SHANK2: variants seen among roughly 807,000 people sequenced by gnomAD.
SHANK2 encodes SH3 and multiple ankyrin repeat domains protein 2.
SHANK2 carries 43 observed loss-of-function variants against 133.7 expected under a neutral mutation model. That is an observed-to-expected ratio of 0.32 (90% CI 0.25 to 0.41). The LOEUF is 0.41. SHANK2 is among the 10% of genes least tolerant of loss of function. SHANK2 has a pLI of 1.00. For synonymous variants in SHANK2, 1,017 were observed against 952.8 expected, an observed-to-expected ratio of 1.07 and a Z score of -1.24; for missense variants, 1,994 against 2,235.8, an observed-to-expected ratio of 0.89 and a Z score of 2.18.
At chr11:70,914,621 C>T (rs551445719) in intron 10 of SHANK2, among the ~76,000 whole-genome samples, 42 of 141,434 alleles carry the variant, frequency 3.0e-4, no homozygotes, top group Admixed American at 2.2e-3. Flanking sequence ...AGTGTAAGAC[C>T]GGCCTGGGCA....
chr11:71,153,253 G>A (rs1377543456), intron 2 of SHANK2, among the ~76,000 whole-genome samples: 15 of 148,960 alleles, frequency 1.0e-4, no homozygotes, highest in Admixed American at 6.7e-5. Context: ...TCACCACCCC[G>A]GGGCAACCGT....
chr11:70,682,403 G>A (rs1945048392), intron 15 of SHANK2, among the ~76,000 whole-genome samples: 1 of 152,204 alleles, frequency 6.6e-6, no homozygotes, highest in Admixed American at 6.5e-5. Flanking sequence ...ATGTTGCAAA[G>A]GCTGGCGGGA....
intron 17 of SHANK2, among the ~76,000 whole-genome samples, chr11:70,591,744 C>T (rs1304515640): frequency 1.3e-5 from 2 of 152,058 alleles, no homozygotes; most frequent in African/African-American, 4.8e-5. Context: ...GGGCCGGGCG[C>T]GGTGGCTCAC....
chr11:70,835,918 G>A (rs1206333738), intron 11 of SHANK2, among the ~76,000 whole-genome samples: 1 of 152,160 alleles, frequency 6.6e-6, no homozygotes, highest in African/African-American at 2.4e-5. Flanking sequence ...TCGGACCTCA[G>A]TGGAGGCTGG....
rs1402157892 is a variant in SHANK2, at chr11:70,599,915, GAA to G, written c.2061+59911_2061+59912del. Among the ~76,000 whole-genome samples the G allele has an allele frequency of 3.3e-3, 134 of 41,212 alleles. 4 individuals carry two copies. In the East Asian group the frequency reaches 0.048, roughly 15 times the overall value. The allele number at this position is 41,212 out of a possible 152,430, so 27.0% of individuals were successfully genotyped here. Reference sequence around the variant, plus strand: ...AAAGAAAGAAAGAAAGAGAAAGAAAGAAAGAAAGAAAGAAAGAAAGAAAGAAA... The same window carrying G: ...AAAGAAAGAAAGAAAGAGAAAGAAAGAGAAAGAAAGAAAGAAAGAAAGAAA... On this transcript the variant is annotated intron_variant, in intron 17 of 25. Coordinates refer to ENST00000601538, the MANE Select transcript of SHANK2 (RefSeq NM_012309.5).
intron 14 of SHANK2, among the ~76,000 whole-genome samples, chr11:70,740,917 G>T (rs1049106576): frequency 6.6e-6 from 1 of 152,172 alleles, no homozygotes; most frequent in Admixed American, 6.5e-5. Context: ...GCCAGGTGGT[G>T]CCCATGTGTG....
intron 12 of SHANK2, among the ~76,000 whole-genome samples, chr11:70,812,094 A>C (rs545898178): frequency 2.6e-5 from 4 of 152,266 alleles, no homozygotes; most frequent in Non-Finnish European, 5.9e-5. Flanking sequence ...CTGCAAAGTC[A>C]GTAACAAAGT....
intron 15 of SHANK2, among the ~76,000 whole-genome samples, chr11:70,680,284 G>A (rs918933470): frequency 3.3e-5 from 5 of 152,276 alleles, no homozygotes; most frequent in Admixed American, 6.5e-5. Context: ...CTGTAACAAC[G>A]TAACACAAAC....
chr11:70,904,165 G>A (rs1590815859), intron 10 of SHANK2, among the ~76,000 whole-genome samples: 2 of 152,182 alleles, frequency 1.3e-5, no homozygotes, highest in South Asian at 4.1e-4. Context: ...CACTCAAGTA[G>A]TAAGTGGTGA....
chr11:70,718,229 T>TA (rs1555027964), intron 14 of SHANK2, among the ~76,000 whole-genome samples: 1 of 152,222 alleles, frequency 6.6e-6, no homozygotes, highest in East Asian at 1.9e-4. Flanking sequence ...TCGTCCCCAG[T>TA]AATTGCTTTC....
intron 11 of SHANK2, among the ~76,000 whole-genome samples, chr11:70,836,018 C>T (rs1203765627): frequency 6.6e-6 from 1 of 152,212 alleles, no homozygotes; most frequent in Non-Finnish European, 1.5e-5. Context: ...CCCACCACCT[C>T]CTCTCCCATA....
At chr11:71,205,376 C>CA (rs1555117839) in intron 2 of SHANK2, among the ~76,000 whole-genome samples, 1 of 152,222 alleles carries the variant, frequency 6.6e-6, no homozygotes, top group Non-Finnish European at 1.5e-5. Context: ...GTGGCAAATC[C>CA]AGCAGTGTCC....
At chr11:71,123,373 C>T (rs1431042156) in intron 3 of SHANK2, among the ~76,000 whole-genome samples, 2 of 152,172 alleles carry the variant, frequency 1.3e-5, no homozygotes, top group Non-Finnish European at 2.9e-5. Flanking sequence ...CATGCTAACA[C>T]GAGCTCCCTT....
Position 70,896,557 on chromosome 11 carries a change from A to G in SHANK2, c.1118T>C (p.Ile373Thr). 1 of 719,012 alleles carries G rather than the reference A, an allele frequency of 1.4e-6. No individual in the cohort carries two copies. Among genetic ancestry groups the G allele is most frequent in the Middle Eastern group, 2.3e-4 (1 of 4,376 alleles). 44.5% of individuals were successfully genotyped at this position (719,012 alleles called of 1,614,324 possible). A position where few individuals can be genotyped will look rare whatever the true frequency, so the allele number is the denominator to read the frequency against. ...NSQTPFQVAI[I>T]AGNFELAEYI... ...TTCTGCCAGCTCAAAGTTGCCTGCT[A>G]TTATGGCCACCTGCAAAGTGAAAAT... Residue 373 changes from isoleucine to threonine, a missense_variant, in exon 11 of 26, where the codon ATA becomes ACA. Physicochemically the swap from Ile to Thr is moderately conservative, Grantham distance 89. Around this residue, in one of 5 missense-constraint regions of SHANK2, gnomAD observed 653 missense variants for 563.4 expected, o/e 1.16. Transcript: ENST00000601538.
intron 2 of SHANK2, among the ~76,000 whole-genome samples, chr11:71,192,026 A>T (rs1405160115): frequency 6.6e-6 from 1 of 151,552 alleles, no homozygotes. Context: ...ATACCTGGAT[A>T]ATTTTTGTAT....
chr11:70,795,407 C>CA, intron 14 of SHANK2, among the ~76,000 whole-genome samples: 1 of 128,448 alleles, frequency 7.8e-6, no homozygotes, highest in South Asian at 2.4e-4. Flanking sequence ...CTTTCTTTTT[C>CA]TTTTTTTTTT....
intron 15 of SHANK2, among the ~76,000 whole-genome samples, chr11:70,671,049 A>G (rs1166595806): frequency 2.6e-5 from 4 of 152,250 alleles, no homozygotes; most frequent in African/African-American, 9.6e-5. Context: ...TAACATGATA[A>G]GCAATGCAAG....
chr11:70,597,537 G>A (rs1307537958), intron 17 of SHANK2, among the ~76,000 whole-genome samples: 1 of 152,084 alleles, frequency 6.6e-6, no homozygotes, highest in Non-Finnish European at 1.5e-5. Flanking sequence ...TCTTTACCTG[G>A]CAAAGTCCTC....
chr11:70,924,084 G>A (rs942309075), intron 10 of SHANK2, among the ~76,000 whole-genome samples: 2 of 152,300 alleles, frequency 1.3e-5, no homozygotes, highest in Non-Finnish European at 1.5e-5. Flanking sequence ...CCATCACAGG[G>A]AAAGCCTTGC....
Sources: gnomAD v4.1 joint callset for allele counts (sites outside exome capture counted in the v4.1 genomes callset) on GRCh38, gnomAD v4.1.1 for gene constraint, gnomAD v4.1.1 regional missense constraint, MANE v1.5 for transcripts, NCBI Gene and HGNC (gene_info 2026-07-23, HGNC 2026-07-21) for gene names.